SLF2: variants seen among roughly 807,000 people sequenced by gnomAD.
SLF2 encodes the protein SMC5-SMC6 complex localization factor protein 2.
Under a neutral mutation model 124.3 loss-of-function variants are expected in SLF2, and 68 were observed. The observed-to-expected ratio is 0.55, with a 90% confidence interval of 0.45 to 0.67. The LOEUF is 0.67. Among genes scored for constraint, SLF2 ranks in the 30% least tolerant of loss-of-function variants. The pLI is 0.00. For synonymous variants in SLF2, 480 were observed against 478.8 expected (o/e 1.00, Z -0.03); for missense variants, 1,246 against 1,373.7 (o/e 0.91, Z 1.47).
At chr10:100,922,733 C>T (rs1485547653) in intron 4 of SLF2, among the ~76,000 whole-genome samples, 2 of 151,402 alleles carry the variant, frequency 1.3e-5, no homozygotes, top group Non-Finnish European at 2.9e-5. Flanking sequence ...TCCTGAGTAG[C>T]TGGGACTATA....
At chr10:100,943,788 T>G in intron 11 of SLF2, 1 of 370,830 alleles carries the variant, frequency 2.7e-6, no homozygotes, top group East Asian at 5.0e-5. Context: ...GGATAGCAGA[T>G]TGACTTGGAT....
intron 8 of SLF2, among the ~76,000 whole-genome samples, chr10:100,930,328 T>C (rs1195966348): frequency 2.0e-5 from 3 of 152,208 alleles, no homozygotes; most frequent in East Asian, 1.9e-4. Context: ...TTTTACCATA[T>C]AATCTTTCTT....
rs541335834 is a variant in SLF2, at chr10:100,955,032, C to A, written c.3331-1419C>A. Among the ~76,000 whole-genome samples the A allele has an allele frequency of 4.3e-4, 65 of 151,404 alleles. 1 individual carries two copies. The highest frequency in any genetic ancestry group is 1.5e-3 in the African/African-American group (61 of 41,272). On this transcript the variant is annotated intron_variant, in intron 17 of 19. Transcript: ENST00000238961. Reference sequence around the variant, plus strand: ...TCGGCTCACTGAAAGCTCTGCCTCCCGGGTACACGCCATTCTCCTGCCCCA... The same window carrying A: ...TCGGCTCACTGAAAGCTCTGCCTCCAGGGTACACGCCATTCTCCTGCCCCA...
At chr10:100,925,838 G>T (rs1849601027) in intron 5 of SLF2, 111 bp from the exon 6 acceptor site, 3 of 1,047,218 alleles carry the variant, frequency 2.9e-6, no homozygotes, top group Non-Finnish European at 4.1e-6. Flanking sequence ...GTGTTATCCT[G>T]GCCCAGATTA....
In SLF2 at chr10:100,913,005, G is replaced by C. The variant is rs1251190223; in HGVS notation, c.-106G>C. 13 of 1,275,394 alleles carry C rather than the reference G, an allele frequency of 1.0e-5. No homozygotes were observed. The highest frequency in any genetic ancestry group is 1.4e-5 in the Non-Finnish European group (13 of 917,580). 79.0% of individuals were successfully genotyped at this position (1,275,394 alleles called of 1,614,324 possible). Reference sequence around the variant, plus strand: ...CGCCATGAAGAGAGAAGGGGGTGCCGCCCACCTCTGCTCCGACAGCCTCCC... The same window carrying C: ...CGCCATGAAGAGAGAAGGGGGTGCCCCCCACCTCTGCTCCGACAGCCTCCC... On this transcript the variant is annotated 5_prime_UTR_variant, in exon 1 of 20. Transcript: ENST00000238961.
At chr10:100,939,309 C>T (rs868066696) in intron 11 of SLF2, among the ~76,000 whole-genome samples, 1 of 151,990 alleles carries the variant, frequency 6.6e-6, no homozygotes, top group Non-Finnish European at 1.5e-5. Flanking sequence ...CACTTGAGGC[C>T]GGGAATTGGA....
At position 100,945,310 on chromosome 10, in the gene SLF2, T is replaced by A; in HGVS notation, c.2758-20T>A. 1 of 1,534,032 alleles carries A rather than the reference T, an allele frequency of 6.5e-7. No individual in the cohort carries two copies. The highest frequency in any genetic ancestry group is 8.7e-7 in the Non-Finnish European group (1 of 1,153,562). On this transcript the variant is annotated intron_variant, in intron 12 of 19. Transcript: ENST00000238961. ...ATATACCTCCTAAAATATTTTTGTCTGTGCATTTATGTTAAACAGTTTCTA... is the reference window on the plus strand; with the variant it reads ...ATATACCTCCTAAAATATTTTTGTCAGTGCATTTATGTTAAACAGTTTCTA...
chr10:100,929,713 C>T (rs1048035013), intron 7 of SLF2, 117 bp from the exon 8 acceptor site: 2 of 791,434 alleles, frequency 2.5e-6, no homozygotes, highest in Non-Finnish European at 1.9e-6. Flanking sequence ...TCATGCTAGT[C>T]TTCTAATTTG....
intron 17 of SLF2, among the ~76,000 whole-genome samples, chr10:100,953,285 G>T (rs541320566): frequency 5.3e-5 from 8 of 151,200 alleles, no homozygotes; most frequent in Non-Finnish European, 1.2e-4. Flanking sequence ...CTCCCAAAGT[G>T]CTGGGATTAC....
chr10:100,949,829 C>T (rs180706927), intron 15 of SLF2, among the ~76,000 whole-genome samples: 82 of 152,282 alleles, frequency 5.4e-4, no homozygotes, highest in African/African-American at 1.9e-3. Flanking sequence ...CCTCTAACCT[C>T]AGGTGATTCA....
At chr10:100,950,833 G>A (rs1302873853) in intron 17 of SLF2, 80 bp downstream of exon 17, 1 of 1,103,650 alleles carries the variant, frequency 9.1e-7, no homozygotes, top group Non-Finnish European at 1.4e-6. Context: ...GCTTTATATA[G>A]GAGAAAACTA....
intron 9 of SLF2, among the ~76,000 whole-genome samples, chr10:100,936,279 T>C (rs902471602): frequency 2.6e-5 from 4 of 152,032 alleles, no homozygotes; most frequent in Non-Finnish European, 5.9e-5. Flanking sequence ...TCGATATTCT[T>C]GATCATTGCC....
At chr10:100,931,108 G>GGAGGCAACTATAA in intron 9 of SLF2, 30 bp downstream of exon 9, 1 of 1,489,394 alleles carries the variant, frequency 6.7e-7, no homozygotes, top group Non-Finnish European at 9.2e-7. Context: ...GGTTATAGTT[G>GGAGGCAACTATAA]CCTCCTACTA....
At chr10:100,949,631 T>G (rs1039230453) in intron 15 of SLF2, among the ~76,000 whole-genome samples, 1 of 152,024 alleles carries the variant, frequency 6.6e-6, no homozygotes, top group Non-Finnish European at 1.5e-5. Flanking sequence ...AGTATTGCTC[T>G]GTCACCCAGG....
At chr10:100,947,315 C>CAGGT (rs1055912121) in intron 14 of SLF2, among the ~76,000 whole-genome samples, 179 bp downstream of exon 14, 1 of 151,736 alleles carries the variant, frequency 6.6e-6, no homozygotes, top group Non-Finnish European at 1.5e-5. Flanking sequence ...ATTCTTAACT[C>CAGGT]AGGTCATTAT....
At chr10:100,948,778 C>T (rs750240356) in intron 15 of SLF2, among the ~76,000 whole-genome samples, 3 of 151,672 alleles carry the variant, frequency 2.0e-5, no homozygotes, top group Non-Finnish European at 2.9e-5. Context: ...CCCAGCTACT[C>T]GGGAGGCTGA....
intron 11 of SLF2, among the ~76,000 whole-genome samples, chr10:100,940,517 G>A (rs917087972): frequency 9.2e-5 from 14 of 151,950 alleles, no homozygotes; most frequent in Non-Finnish European, 1.9e-4. Flanking sequence ...TCACCACCAC[G>A]CCCAGCTAAT....
chr10:100,914,948 T>A (rs1221515818), intron 1 of SLF2, among the ~76,000 whole-genome samples: 2 of 152,220 alleles, frequency 1.3e-5, no homozygotes, highest in Admixed American at 1.3e-4. Context: ...TTATTCTCTT[T>A]CAGTAAAATG....
At chr10:100,939,809 G>A (rs1452107324) in intron 11 of SLF2, among the ~76,000 whole-genome samples, 1 of 152,044 alleles carries the variant, frequency 6.6e-6, no homozygotes, top group Non-Finnish European at 1.5e-5. Context: ...AAAATGGAAA[G>A]GTAAAGGAAA....
Sources: gnomAD v4.1 joint callset for allele counts (sites outside exome capture counted in the v4.1 genomes callset) on GRCh38, gnomAD v4.1.1 for gene constraint, MANE v1.5 for transcripts, NCBI Gene and HGNC (gene_info 2026-07-23, HGNC 2026-07-21) for gene names.